XRN2: variants seen among roughly 807,000 people sequenced by gnomAD.
XRN2 encodes the protein DHM1-like protein.
A neutral mutation model predicts 138.5 loss-of-function variants in XRN2; 44 were observed. That is an observed-to-expected ratio of 0.32 (90% CI 0.25 to 0.41). XRN2 has a LOEUF of 0.41. Among genes scored for constraint, XRN2 ranks in the 10% least tolerant of loss-of-function variants. The pLI, the probability that XRN2 is intolerant of heterozygous loss-of-function variation, is 1.00. For synonymous variants in XRN2, 354 were observed against 369.4 expected, an observed-to-expected ratio of 0.96 and a Z score of 0.48; for missense variants, 937 against 1,169.3, an observed-to-expected ratio of 0.80 and a Z score of 2.90.
At chr20:21,354,705 A>G in intron 20 of XRN2, 84 bp from the exon 21 acceptor site, 1 of 1,303,182 alleles carries the variant, frequency 7.7e-7, no homozygotes. Context: ...AAACTCTACT[A>G]GAAACGTTCA....
chr20:21,357,102 CTTTTTAT>C (rs2038585191), intron 23 of XRN2, among the ~76,000 whole-genome samples: 2 of 150,264 alleles, frequency 1.3e-5, no homozygotes, highest in Non-Finnish European at 3.0e-5. Context: ...AAAAAAATAG[CTTTTTAT>C]AAGAATGTTA....
intron 26 of XRN2, among the ~76,000 whole-genome samples, chr20:21,368,103 A>T (rs978524621): frequency 8.5e-5 from 13 of 152,204 alleles, no homozygotes; most frequent in African/African-American, 2.9e-4. Context: ...GTAAATTAAA[A>T]ATAGCAAGAT....
intron 27 of XRN2, among the ~76,000 whole-genome samples, chr20:21,377,264 C>CTTTTCTTTTTTTTTTTTTTTTTTTT (rs1555788241): frequency 1.2e-5 from 1 of 82,782 alleles, no homozygotes; most frequent in Non-Finnish European, 2.1e-5. Context: ...TCGGTTTTTT[C>CTTTTCTTTTTTTTTTTTTTTTTTTT]TTTTTTTTTT....
chr20:21,376,029 G>A (rs866064377), intron 27 of XRN2, among the ~76,000 whole-genome samples: 7 of 152,028 alleles, frequency 4.6e-5, no homozygotes, highest in Non-Finnish European at 8.8e-5. Flanking sequence ...TAGTAGAGAC[G>A]GGGTTTCACC....
At chr20:21,315,756 C>T (rs1209163914) in intron 1 of XRN2, among the ~76,000 whole-genome samples, 1 of 152,170 alleles carries the variant, frequency 6.6e-6, no homozygotes, top group Non-Finnish European at 1.5e-5. Context: ...CCTCAGCCTC[C>T]CAAAGTGTTG....
intron 20 of XRN2, among the ~76,000 whole-genome samples, chr20:21,352,781 C>G (rs1048140235): frequency 2.6e-5 from 4 of 152,058 alleles, no homozygotes; most frequent in Non-Finnish European, 5.9e-5. Context: ...GAGTTAAGAC[C>G]TGAACTCAGA....
In XRN2 at chr20:21,333,980, G is replaced by A. The variant is rs1416258908; in HGVS notation, c.1111G>A (p.Val371Ile). The A allele has an allele frequency of 1.2e-6, 2 of 1,613,964 alleles. No individual in the cohort carries two copies. The highest frequency in any genetic ancestry group is 1.7e-6 in the Non-Finnish European group (2 of 1,179,998). The change falls in exon 12 of 30, where the codon GTA becomes ATA. Residue 371 changes from valine to isoleucine, a missense_variant. Around this residue, in one of 6 missense-constraint regions of XRN2, gnomAD observed 471 missense variants for 581.2 expected, o/e 0.81. Coordinates refer to ENST00000377191, the MANE Select transcript of XRN2 (RefSeq NM_012255.5). ...DRLVNIYKNV[V>I]HKTGGYLTES... ...TTTGGTTAACATATACAAAAATGTG[G>A]TACACAAAACTGGGGTAAGTTCATT...
rs377087328 is a variant in XRN2, at chr20:21,372,159, G to C, written c.2584+3569G>C. 2.6e-5 allele frequency among the ~76,000 whole-genome samples: 4 copies of C among 152,322 alleles called. No homozygotes were observed. In the East Asian group the frequency reaches 5.8e-4, roughly 22 times the overall value. On this transcript the variant is annotated intron_variant, in intron 27 of 29. Coordinates refer to ENST00000377191, the MANE Select transcript of XRN2 (RefSeq NM_012255.5). ...GCAAGAAACAAGTACCCTCTGCCTC[G>C]TGACTTGTAAACATTGACTCAACTG...
chr20:21,315,991 G>A (rs180926833), intron 1 of XRN2, among the ~76,000 whole-genome samples: 31 of 152,246 alleles, frequency 2.0e-4, no homozygotes, highest in African/African-American at 7.0e-4. Context: ...GGTGACTCAC[G>A]CTTGTAATCG....
At chr20:21,354,720 G>A (rs375341367) in intron 20 of XRN2, 69 bp from the exon 21 acceptor site, 5 of 1,412,926 alleles carry the variant, frequency 3.5e-6, no homozygotes, top group African/African-American at 2.8e-5. Flanking sequence ...CGTTCATTTC[G>A]AGCAATGATA....
chr20:21,327,749 T>C (rs1379603476), intron 3 of XRN2, among the ~76,000 whole-genome samples: 1 of 152,194 alleles, frequency 6.6e-6, no homozygotes, highest in Non-Finnish European at 1.5e-5. Context: ...TACAGAACTT[T>C]GTACTTGAGA....
chr20:21,310,998 G>A (rs938312108), intron 1 of XRN2, among the ~76,000 whole-genome samples: 7 of 151,894 alleles, frequency 4.6e-5, no homozygotes, highest in Non-Finnish European at 1.0e-4. Context: ...TGATCTGCCC[G>A]CCTCTGCCTC....
intron 27 of XRN2, among the ~76,000 whole-genome samples, chr20:21,375,934 G>T (rs1217749262): frequency 6.6e-6 from 1 of 151,762 alleles, no homozygotes; most frequent in Non-Finnish European, 1.5e-5. Context: ...CGCCTCCCGG[G>T]TTCATGCCAT....
intron 26 of XRN2, among the ~76,000 whole-genome samples, chr20:21,366,561 CAAAA>C (rs375130220): frequency 1.8e-5 from 2 of 111,606 alleles, no homozygotes; most frequent in East Asian, 5.0e-4. Context: ...CCGTCTCAAC[CAAAA>C]AAAAAAAAAG....
chr20:21,360,289 C>A (rs1017087831), intron 24 of XRN2, among the ~76,000 whole-genome samples: 7 of 152,166 alleles, frequency 4.6e-5, no homozygotes, highest in Non-Finnish European at 1.0e-4. Context: ...CCAGGCTGAT[C>A]CCTTCAATAC....
At position 21,333,970 on chromosome 20, in the gene XRN2, C is replaced by T; in HGVS notation, c.1101C>T (p.Tyr367=). 6.2e-7 allele frequency: 1 copy of T among 1,614,076 alleles called. No individual in the cohort carries two copies. The highest frequency in any genetic ancestry group is 8.5e-7 in the Non-Finnish European group (1 of 1,180,002). Residue 367 remains tyrosine, a synonymous_variant, in exon 12 of 30, where the codon TAC becomes TAT. Coordinates refer to ENST00000377191, the MANE Select transcript of XRN2 (RefSeq NM_012255.5). Reference sequence around the variant, plus strand: ...CAATTGACCGTTTGGTTAACATATACAAAAATGTGGTACACAAAACTGGGG... The same window carrying T: ...CAATTGACCGTTTGGTTAACATATATAAAAATGTGGTACACAAAACTGGGG... ...ENAIDRLVNI[Y]KNVVHKTGGY...
At chr20:21,372,812 C>T (rs541851042) in intron 27 of XRN2, among the ~76,000 whole-genome samples, 3 of 152,004 alleles carry the variant, frequency 2.0e-5, no homozygotes, top group South Asian at 2.1e-4. Flanking sequence ...CCTTTCCAGG[C>T]ACTACCCCCT....
At chr20:21,323,599 C>G (rs1402753620) in intron 1 of XRN2, among the ~76,000 whole-genome samples, 1 of 152,160 alleles carries the variant, frequency 6.6e-6, no homozygotes, top group African/African-American at 2.4e-5. Context: ...GTGTGTTGGA[C>G]ATGTCTACAG....
At chr20:21,364,590 T>A (rs981508150) in intron 24 of XRN2, among the ~76,000 whole-genome samples, 1 of 152,134 alleles carries the variant, frequency 6.6e-6, no homozygotes, top group East Asian at 1.9e-4. Flanking sequence ...GTGGGTCTTA[T>A]GAGTCCAGGA....
Sources: gnomAD v4.1 joint callset for allele counts (sites outside exome capture counted in the v4.1 genomes callset) on GRCh38, gnomAD v4.1.1 for gene constraint, gnomAD v4.1.1 regional missense constraint, MANE v1.5 for transcripts, NCBI Gene and HGNC (gene_info 2026-07-23, HGNC 2026-07-21) for gene names.